DLGAP2: variants seen among roughly 807,000 people sequenced by gnomAD.
DLGAP2 encodes the protein DLG associated protein 2, also known as disks large-associated protein 2.
In DLGAP2, 26 loss-of-function variants were observed where a neutral mutation model predicts 100.3. The ratio of observed to expected loss-of-function variants is 0.26; its 90% CI spans 0.19 to 0.36. The LOEUF is 0.36. DLGAP2 is among the 10% of genes least tolerant of loss of function. The pLI is 1.00. For missense variants in DLGAP2, 1,858 were observed against 1,453.2 expected (o/e 1.28, Z -4.53); for synonymous variants, 886 against 630.1 (o/e 1.41, Z -6.08).
chr8:1,111,158 A>G (rs1318094345), intron 2 of DLGAP2, among the ~76,000 whole-genome samples: 26 of 152,306 alleles, frequency 1.7e-4, no homozygotes, highest in Non-Finnish European at 2.8e-4. Context: ...AAATGCAAAG[A>G]TGGCCAAGCT....
intron 10 of DLGAP2, among the ~76,000 whole-genome samples, chr8:1,671,986 C>T (rs2130844596): frequency 6.6e-6 from 1 of 152,350 alleles, no homozygotes; most frequent in South Asian, 2.1e-4. Context: ...TCCAATTGGA[C>T]CATTTGTGTA....
chr8:1,679,976 T>C (rs6558510), intron 12 of DLGAP2, among the ~76,000 whole-genome samples: 8,565 of 77,824 alleles, frequency 0.11, 940 homozygotes, highest in African/African-American at 0.35. Flanking sequence ...TGAGACTCTG[T>C]CTCAAAAAAA....
intron 5 of DLGAP2, among the ~76,000 whole-genome samples, chr8:1,554,474 A>G (rs1024201233): frequency 2.0e-5 from 3 of 152,006 alleles, no homozygotes; most frequent in Non-Finnish European, 4.4e-5. Flanking sequence ...CCACCTCCAC[A>G]TGCTGGGTGA....
intron 3 of DLGAP2, among the ~76,000 whole-genome samples, chr8:1,449,262 G>C (rs1269979864): frequency 1.3e-5 from 2 of 152,210 alleles, no homozygotes; most frequent in African/African-American, 4.8e-5. Context: ...CCTCACCCTG[G>C]TGATTCCGGG....
At chr8:1,700,299 A>C (rs1799530910) in intron 14 of DLGAP2, among the ~76,000 whole-genome samples, 1 of 152,158 alleles carries the variant, frequency 6.6e-6, no homozygotes, top group South Asian at 2.1e-4. Context: ...AGTGGTTCTG[A>C]CGCCTTCTGC....
At chr8:1,242,211 A>G (rs1372308378) in intron 2 of DLGAP2, among the ~76,000 whole-genome samples, 1 of 152,200 alleles carries the variant, frequency 6.6e-6, no homozygotes, top group Non-Finnish European at 1.5e-5. Context: ...AGCTCTGGGA[A>G]CTGAGGGCCT....
At position 1,565,798 on chromosome 8, in the gene DLGAP2, A is replaced by G; in HGVS notation, c.1346A>G (p.Glu449Gly). ...IKAMGDEESGESDSSPKTSPK... is the reference protein window; with the variant it reads ...IKAMGDEESGGSDSSPKTSPK... ...GCCATGGGGGACGAGGAGAGCGGAG[A>G]GTCAGACTCCAGCCCCAAGACATCA... Residue 449 changes from glutamate (E) to glycine (G), a missense_variant, in exon 6 of 15, where the codon GAG becomes GGG. Physicochemically the swap from Glu to Gly is moderately conservative, Grantham distance 98. Coordinates refer to ENST00000637795, the MANE Select transcript of DLGAP2 (RefSeq NM_001346810.2). 6.2e-7 allele frequency: 1 copy of G among 1,613,822 alleles called. No individual in the cohort carries two copies. The highest frequency in any genetic ancestry group is 8.5e-7 in the Non-Finnish European group (1 of 1,179,822).
intron 4 of DLGAP2, among the ~76,000 whole-genome samples, chr8:1,547,135 A>G (rs1220073459): frequency 1.3e-5 from 2 of 152,110 alleles, no homozygotes; most frequent in African/African-American, 2.4e-5. Context: ...GGTGTGCTTA[A>G]GGCTCAGCAG....
intron 4 of DLGAP2, among the ~76,000 whole-genome samples, chr8:1,531,015 T>G (rs531147359): frequency 1.4e-4 from 21 of 152,352 alleles, no homozygotes; most frequent in African/African-American, 4.6e-4. Context: ...TTTTCTAACA[T>G]TCCTCACTTT....
intron 2 of DLGAP2, among the ~76,000 whole-genome samples, chr8:1,051,316 C>A (rs536871052): frequency 1.3e-5 from 2 of 152,068 alleles, no homozygotes; most frequent in Non-Finnish European, 2.9e-5. Context: ...GGAGGGGCAC[C>A]GGGCTGTGTT....
At position 1,189,268 on chromosome 8, in the gene DLGAP2, G is replaced by A. The variant is rs527462925; in HGVS notation, c.74-69583G>A. On this transcript the variant is annotated intron_variant, in intron 2 of 14. Transcript: ENST00000637795. Reference sequence around the variant, plus strand: ...GCATACACAGGGTTCGGGCCCCAGCGGGAGTCACTGTCGCTCAGTGTCAAG... The same window carrying A: ...GCATACACAGGGTTCGGGCCCCAGCAGGAGTCACTGTCGCTCAGTGTCAAG... Among the ~76,000 whole-genome samples the A allele has an allele frequency of 5.3e-5, 8 of 152,316 alleles. No homozygotes were observed. The East Asian group carries it at 9.7e-4, about 18-fold the overall frequency.
At chr8:1,487,146 T>A (rs1184848600) in intron 3 of DLGAP2, among the ~76,000 whole-genome samples, 3 of 147,974 alleles carry the variant, frequency 2.0e-5, no homozygotes, top group Admixed American at 6.6e-5. Flanking sequence ...AAACTTGACA[T>A]GTGATGTATT....
intron 4 of DLGAP2, among the ~76,000 whole-genome samples, chr8:1,515,759 C>T (rs1307454483): frequency 4.5e-5 from 4 of 88,072 alleles, no homozygotes; most frequent in African/African-American, 7.2e-5. Context: ...CACACACATG[C>T]ACAAACATAC....
chr8:918,358 T>C (rs923520111), intron 2 of DLGAP2, among the ~76,000 whole-genome samples: 2 of 152,248 alleles, frequency 1.3e-5, no homozygotes, highest in African/African-American at 4.8e-5. Flanking sequence ...AAGCCATTCG[T>C]AGAATTAGGG....
At chr8:1,343,508 C>T (rs1408106242) in intron 3 of DLGAP2, among the ~76,000 whole-genome samples, 2 of 152,172 alleles carry the variant, frequency 1.3e-5, no homozygotes, top group Non-Finnish European at 2.9e-5. Context: ...TGGCCCAGGG[C>T]CCAGGTAAGC....
At chr8:1,291,240 A>T (rs1488326961) in intron 3 of DLGAP2, among the ~76,000 whole-genome samples, 1 of 152,202 alleles carries the variant, frequency 6.6e-6, no homozygotes. Flanking sequence ...ATGGATGGAA[A>T]ATCACAAACC....
intron 3 of DLGAP2, among the ~76,000 whole-genome samples, chr8:1,383,238 G>A (rs113511475): frequency 3.3e-5 from 5 of 152,120 alleles, no homozygotes; most frequent in Admixed American, 6.5e-5. Flanking sequence ...ATAATTACAC[G>A]CTTTCTGGAA....
intron 6 of DLGAP2, among the ~76,000 whole-genome samples, chr8:1,587,645 GTGAA>G (rs34699080): frequency 0.051 from 7,716 of 152,154 alleles, 641 homozygotes; most frequent in African/African-American, 0.17. Context: ...GACTCAAGGG[GTGAA>G]TGAATGAAAT....
In DLGAP2 at chr8:877,955, C is replaced by A. The variant is rs140014689; in HGVS notation, c.19-29957C>A. ...GGGATAGGAGAGAGCAGACTTGGTT[C>A]AAATCCCACAGGTACTTGTCTCCCT... On this transcript the variant is annotated intron_variant, in intron 1 of 14. Transcript: ENST00000637795. Among the ~76,000 whole-genome samples the A allele has an allele frequency of 8.0e-3, 1,211 of 152,320 alleles. 16 individuals carry two copies. Among genetic ancestry groups the A allele is most frequent in the African/African-American group, 0.027 (1,138 of 41,582 alleles).
Sources: allele counts gnomAD v4.1 joint callset (sites outside exome capture counted in the v4.1 genomes callset), GRCh38; gene constraint gnomAD v4.1.1; transcripts MANE v1.5; gene names NCBI Gene and HGNC (gene_info 2026-07-23, HGNC 2026-07-21).